HORMAD2: variants seen among roughly 807,000 people sequenced by gnomAD.
HORMAD2 encodes the protein HORMA domain-containing protein 2.
Under a neutral mutation model 38.8 loss-of-function variants are expected in HORMAD2, and 45 were observed. The observed-to-expected ratio is 1.16, with a 90% CI of 0.91 to 1.49. The LOEUF is 1.49. Among genes scored for constraint, HORMAD2 ranks in the 40% most tolerant of loss-of-function variants. The pLI is 0.00. For synonymous variants in HORMAD2, 126 were observed against 122.8 expected, an observed-to-expected ratio of 1.03 and a Z score of -0.17; for missense variants, 338 against 367.0, an observed-to-expected ratio of 0.92 and a Z score of 0.65.
At chr22:30,141,841 C>T (rs531448508) in intron 10 of HORMAD2, among the ~76,000 whole-genome samples, 49 of 152,218 alleles carry the variant, frequency 3.2e-4, no homozygotes, top group African/African-American at 9.4e-4. Flanking sequence ...GTGATCTGCC[C>T]GCCTTGGACT....
chr22:30,127,473 C>T (rs1922964448), intron 10 of HORMAD2, among the ~76,000 whole-genome samples: 1 of 152,110 alleles, frequency 6.6e-6, no homozygotes, highest in East Asian at 1.9e-4. Context: ...TCCCAAAGTG[C>T]TGGGATTACA....
At chr22:30,159,227 G>A (rs9625933) in intron 10 of HORMAD2, among the ~76,000 whole-genome samples, 31,466 of 152,060 alleles carry the variant, frequency 0.21, 3,782 homozygotes, top group Middle Eastern at 0.38. Context: ...TGTACCATAT[G>A]CCCTGCCATA....
intron 2 of HORMAD2, among the ~76,000 whole-genome samples, chr22:30,094,605 C>T (rs1341596195): frequency 6.6e-6 from 1 of 152,010 alleles, no homozygotes; most frequent in East Asian, 1.9e-4. Flanking sequence ...AGTCAATATA[C>T]AAAGCGATAT....
downstream of HORMAD2, among the ~76,000 whole-genome samples, chr22:30,178,325 A>G (rs1389616745): frequency 3.3e-5 from 5 of 152,210 alleles, no homozygotes; most frequent in African/African-American, 7.2e-5. Context: ...CTCTTTCCCC[A>G]TCTGAACAGT....
chr22:30,190,109 C>A, the HORMAD2 span, among the ~76,000 whole-genome samples: 2 of 152,132 alleles, frequency 1.3e-5, no homozygotes, highest in Non-Finnish European at 2.9e-5. Flanking sequence ...AATTCAGCAC[C>A]CCCTGAGATT....
chr22:30,110,133 G>T (rs556985330), intron 5 of HORMAD2, among the ~76,000 whole-genome samples: 2 of 152,092 alleles, frequency 1.3e-5, no homozygotes, highest in African/African-American at 2.4e-5. Context: ...CATTTACATG[G>T]TATTAAGTAT....
intron 8 of HORMAD2, 27 bp downstream of exon 8, chr22:30,119,074 G>A: frequency 2.0e-6 from 3 of 1,471,196 alleles, no homozygotes; most frequent in Non-Finnish European, 2.8e-6. Context: ...TAATGAACAT[G>A]AGAAATAAAT....
At chr22:30,175,327 A>T (rs548937935) in intron 10 of HORMAD2, among the ~76,000 whole-genome samples, 3 of 40,034 alleles carry the variant, frequency 7.5e-5, no homozygotes, top group African/African-American at 1.6e-4. Context: ...ATATATATAT[A>T]TATATATCTT....
At position 30,131,472 on chromosome 22, in the gene HORMAD2, T is replaced by C. The variant is rs113020064; in HGVS notation, c.819+9258T>C. ...GGCTTTTTTCTAGGCCTTTCTTTTG[T>C]AACTAGAAATCTTGATCCAGAATGG... On this transcript the variant is annotated intron_variant, in intron 10 of 10. Coordinates refer to ENST00000336726, the MANE Select transcript of HORMAD2 (RefSeq NM_152510.4). Among the ~76,000 whole-genome samples the C allele has an allele frequency of 5.5e-3, 837 of 152,352 alleles. 7 individuals carry two copies. The highest frequency in any genetic ancestry group is 0.019 in the African/African-American group (783 of 41,598).
chr22:30,171,918 C>G (rs2412976), intron 10 of HORMAD2, among the ~76,000 whole-genome samples: 45,239 of 151,900 alleles, frequency 0.3, 7,783 homozygotes, highest in East Asian at 0.58. Flanking sequence ...GGTTTAGAAT[C>G]AAGAGGAAGC....
chr22:30,165,718 T>C (rs1408250628), intron 10 of HORMAD2, among the ~76,000 whole-genome samples: 15 of 152,098 alleles, frequency 9.9e-5, no homozygotes, highest in Non-Finnish European at 1.5e-5. Flanking sequence ...GATAACTTTT[T>C]CCCATTTTAT....
intron 10 of HORMAD2, among the ~76,000 whole-genome samples, chr22:30,155,069 C>CT (rs201545075): frequency 1.3e-4 from 19 of 140,970 alleles, no homozygotes; most frequent in African/African-American, 3.7e-4. Context: ...TGAGACCTTG[C>CT]TTTTTTTAAA....
the HORMAD2 span, among the ~76,000 whole-genome samples, chr22:30,205,495 C>CCATAT: frequency 6.6e-6 from 1 of 152,130 alleles, no homozygotes; most frequent in Non-Finnish European, 1.5e-5. Flanking sequence ...ACGTTGTGTC[C>CCATAT]CATATCCTCC....
chr22:30,141,499 C>T (rs1244388426), intron 10 of HORMAD2, among the ~76,000 whole-genome samples: 1 of 151,960 alleles, frequency 6.6e-6, no homozygotes, highest in Non-Finnish European at 1.5e-5. Context: ...AATTTGTAGT[C>T]TTTTATCCCT....
intron 1 of HORMAD2, among the ~76,000 whole-genome samples, chr22:30,085,234 A>G (rs1054088305): frequency 6.6e-6 from 1 of 152,180 alleles, no homozygotes; most frequent in Non-Finnish European, 1.5e-5. Context: ...AGGCAATTTC[A>G]TAAAGATGAA....
At chr22:30,094,700 G>C (rs6006350) in intron 2 of HORMAD2, among the ~76,000 whole-genome samples, 54 of 152,286 alleles carry the variant, frequency 3.5e-4, no homozygotes, top group African/African-American at 1.3e-3. Context: ...GGAATGGTTT[G>C]TATATTCCTC....
intron 2 of HORMAD2, among the ~76,000 whole-genome samples, chr22:30,094,745 G>C (rs1379327675): frequency 6.6e-6 from 1 of 152,168 alleles, no homozygotes; most frequent in Non-Finnish European, 1.5e-5. Flanking sequence ...GACAGACCTT[G>C]AATGATGAAG....
chr22:30,100,036 T>C (rs1920932229), intron 3 of HORMAD2, among the ~76,000 whole-genome samples: 1 of 152,220 alleles, frequency 6.6e-6, no homozygotes, highest in Admixed American at 6.5e-5. Context: ...TTCAATGTTA[T>C]TCCCATCAAG....
intron 8 of HORMAD2, 31 bp from the exon 9 acceptor site, chr22:30,121,601 G>A (rs1338342458): frequency 2.0e-6 from 3 of 1,529,622 alleles, no homozygotes; most frequent in Non-Finnish European, 1.8e-6. Context: ...TATTGTATAT[G>A]ATCAAAAAGT....
Sources: allele counts gnomAD v4.1 joint callset (sites outside exome capture counted in the v4.1 genomes callset), GRCh38; gene constraint gnomAD v4.1.1; transcripts MANE v1.5; gene names NCBI Gene and HGNC (gene_info 2026-07-23, HGNC 2026-07-21).